The following CIART variants were observed in gnomAD, a reference collection of about 807,000 sequenced individuals.
The protein encoded by CIART is circadian associated repressor of transcription.
In CIART, 7 loss-of-function variants were observed where a neutral mutation model predicts 22.1. The observed-to-expected ratio is 0.32, with a 90% confidence interval of 0.18 to 0.59. The LOEUF (loss-of-function observed/expected upper bound fraction) is 0.59. Ranked by LOEUF, CIART falls within the 20% of genes least tolerant of loss-of-function variation. CIART has a pLI of 0.86. For synonymous variants in CIART, 163 were observed against 174.6 expected, an observed-to-expected ratio of 0.93 and a Z score of 0.53; for missense variants, 440 against 478.0, an observed-to-expected ratio of 0.92 and a Z score of 0.74.
In CIART at chr1:150,286,467, C is replaced by T. The variant is rs1653489687; in HGVS notation, c.671C>T (p.Ser224Phe). 4 of 1,588,454 alleles carry T rather than the reference C, an allele frequency of 2.5e-6. No individual in the cohort carries two copies. In the East Asian group the frequency reaches 8.9e-5, roughly 36 times the overall value. ...CACCACAGTGATTCAGCTGCTTCCTCTCCTGCATCTCCTATGGAAAAGATG... is the reference window on the plus strand; with the variant it reads ...CACCACAGTGATTCAGCTGCTTCCTTTCCTGCATCTCCTATGGAAAAGATG... ...PSHHSDSAAS[S>F]PASPMEKMDQ... The change falls in exon 5 of 5, where the codon TCT (serine) becomes TTT (phenylalanine). Residue 224 changes from serine (S) to phenylalanine (F), a missense_variant. Coordinates refer to ENST00000290363, the MANE Select transcript of CIART (RefSeq NM_144697.4).
intron 2 of CIART, 100 bp from the exon 3 acceptor site, chr1:150,284,326 A>G (rs1391744547): frequency 3.9e-5 from 48 of 1,224,628 alleles, no homozygotes; most frequent in Non-Finnish European, 5.5e-5. Flanking sequence ...GCCCGACTTA[A>G]TTTTTTTAGA....
chr1:150,285,056 A>G (rs1308067786), intron 4 of CIART: 2 of 278,262 alleles, frequency 7.2e-6, no homozygotes, highest in African/African-American at 4.6e-5. Flanking sequence ...TTTTTTCCCT[A>G]CTGCCCCCAA....
At position 150,283,580 on chromosome 1, in the gene CIART, A is replaced by G; in HGVS notation, c.313A>G (p.Ser105Gly). ...KRSRDGELET[S>G]LNTQGCTTEG... ...ATCAAGAGATGGTGAACTGGAGACC[A>G]GTCTAAACACCCAAGGTTGTACCAC... The change falls in exon 1 of 5, where the codon AGT (serine) becomes GGT (glycine). Residue 105 changes from serine (S) to glycine (G), a missense_variant. Coordinates refer to ENST00000290363, the MANE Select transcript of CIART (RefSeq NM_144697.4). 6.2e-7 allele frequency: 1 copy of G among 1,614,062 alleles called. No individual in the cohort carries two copies. Among genetic ancestry groups the G allele is most frequent in the Non-Finnish European group, 8.5e-7 (1 of 1,179,882 alleles).
At chr1:150,286,315 G>T in intron 4 of CIART, 115 bp from the exon 5 acceptor site, 2 of 919,466 alleles carry the variant, frequency 2.2e-6, no homozygotes, top group South Asian at 1.6e-5. Context: ...ATAAAACGAG[G>T]TATGTTTGCA....
chr1:150,284,525 G>T (rs782600477), intron 3 of CIART, 21 bp downstream of exon 3: 12 of 1,599,610 alleles, frequency 7.5e-6, no homozygotes, highest in African/African-American at 1.3e-5. Flanking sequence ...CTGGTTCTTT[G>T]CTTGGGTCTT....
chr1:150,283,029 G>T lies in CIART; in HGVS notation c.-239G>T. On this transcript the variant is annotated 5_prime_UTR_variant, in exon 1 of 5. Coordinates refer to ENST00000290363, the MANE Select transcript of CIART (RefSeq NM_144697.4). ...AGCTGCTCTGCGGCGGCCAGAGAGG[G>T]AATCCCAAGCTCTTAATGGGCGGGG... The T allele has an allele frequency of 3.4e-6, 1 of 294,472 alleles. No individual in the cohort carries two copies. Among genetic ancestry groups the T allele is most frequent in the Non-Finnish European group, 6.1e-6 (1 of 164,296 alleles). The allele number at this position is 294,472 out of a possible 1,614,324, so 18.2% of individuals were successfully genotyped here. A position where few individuals can be genotyped will look rare whatever the true frequency, so the allele number is the denominator to read the frequency against.
Position 150,283,962 on chromosome 1 carries a change from C to G in CIART, c.442+82C>G, listed in dbSNP as rs1572128191. Reference sequence around the variant, plus strand: ...TTTTGACGTGTATTTCTCTGAAGTTCTTGTTTGGGGCCTATATTACTCCTT... The same window carrying G: ...TTTTGACGTGTATTTCTCTGAAGTTGTTGTTTGGGGCCTATATTACTCCTT... On this transcript the variant is annotated intron_variant, in intron 2 of 4. Coordinates refer to ENST00000290363, the MANE Select transcript of CIART (RefSeq NM_144697.4). 4 of 1,034,104 alleles carry G rather than the reference C, an allele frequency of 3.9e-6. No individual in the cohort carries two copies. The East Asian group carries it at 9.7e-5, about 25-fold the overall frequency. The allele number at this position is 1,034,104 out of a possible 1,614,324, so 64.1% of individuals were successfully genotyped here. A position where few individuals can be genotyped will look rare whatever the true frequency, so the allele number is the denominator to read the frequency against.
In CIART at chr1:150,282,580, A is replaced by G. The variant is rs1408585830; in HGVS notation, c.-688A>G. 6.6e-6 allele frequency: 1 copy of G among 152,138 alleles called. No homozygotes were observed. The highest frequency in any genetic ancestry group is 1.5e-5 in the Non-Finnish European group (1 of 68,096). The allele number at this position is 152,138 out of a possible 1,614,324, so 9.4% of individuals were successfully genotyped here. ...GATAGACCCGGAGAGACGGCGAAGG[A>G]GCTGGAAACCGAGCCAGGGCTGAGC... is the stretch of plus-strand genomic sequence containing the variant. On this transcript the variant is annotated 5_prime_UTR_variant, in exon 1 of 5. Transcript: ENST00000290363.
intron 4 of CIART, 58 bp from the exon 5 acceptor site, chr1:150,286,372 G>A: frequency 1.4e-6 from 2 of 1,437,920 alleles, no homozygotes; most frequent in Non-Finnish European, 1.9e-6. Flanking sequence ...GTAACCAGGT[G>A]GAGCTCATCT....
intron 4 of CIART, among the ~76,000 whole-genome samples, chr1:150,285,889 G>C (rs1051922623): frequency 6.6e-6 from 1 of 152,092 alleles, no homozygotes; most frequent in Non-Finnish European, 1.5e-5. Context: ...GGCTGAGGTG[G>C]GAGGATCTCT....
intron 2 of CIART, among the ~76,000 whole-genome samples, 188 bp downstream of exon 2, chr1:150,284,068 A>C (rs1440620873): frequency 6.7e-6 from 1 of 148,324 alleles, no homozygotes; most frequent in African/African-American, 2.5e-5. Flanking sequence ...CCCAGGCTGG[A>C]GTGCAATGGC....
chr1:150,285,144 T>G (rs1480963555), intron 4 of CIART: 1 of 217,418 alleles, frequency 4.6e-6, no homozygotes, highest in Non-Finnish European at 9.1e-6. Context: ...GAGTCTACAC[T>G]GGGTTTCAAG....
At chr1:150,286,398 ATTTC>A in intron 4 of CIART, 28 bp from the exon 5 acceptor site, 1 of 1,516,398 alleles carries the variant, frequency 6.6e-7, no homozygotes, top group South Asian at 1.1e-5. Context: ...CTTTCTCCAC[ATTTC>A]TTTTTTTCTC....
rs1653285383 is a variant in CIART at position 150,283,572 on chromosome 1, T to C, written c.305T>C (p.Leu102Pro). The change falls in exon 1 of 5, where the codon CTG becomes CCG. Residue 102 changes from leucine (L) to proline (P), a missense_variant. Leu to Pro is a moderately conservative substitution (Grantham distance 98, BLOSUM62 -3). Transcript: ENST00000290363. Reference protein sequence around the residue: ...SGAKRSRDGELETSLNTQGCT... With the variant: ...SGAKRSRDGEPETSLNTQGCT... Reference sequence around the variant, plus strand: ...GCGAAAAGATCAAGAGATGGTGAACTGGAGACCAGTCTAAACACCCAAGGT... The same window carrying C: ...GCGAAAAGATCAAGAGATGGTGAACCGGAGACCAGTCTAAACACCCAAGGT... The C allele has an allele frequency of 5.0e-6, 8 of 1,614,050 alleles. No homozygotes were observed. The East Asian group carries it at 1.6e-4, about 31-fold the overall frequency.
chr1:150,285,801 G>T (rs1396218791), intron 4 of CIART, among the ~76,000 whole-genome samples: 2 of 151,940 alleles, frequency 1.3e-5, no homozygotes, highest in African/African-American at 4.8e-5. Flanking sequence ...CATGGTGAAG[G>T]CTGCTATCTA....
Position 150,283,627 on chromosome 1 carries a change from CCAGAAGGTAAGAGAAAG to C in CIART, c.364_366+14del. The C allele has an allele frequency of 1.2e-6, 2 of 1,613,250 alleles. No homozygotes were observed. The highest frequency in any genetic ancestry group is 1.7e-6 in the Non-Finnish European group (2 of 1,179,422). On this transcript the variant is annotated splice_donor_variant and splice_donor_5th_base_variant and coding_sequence_variant and intron_variant, in exon 1 of 5. Transcript: ENST00000290363. LOFTEE classifies it high-confidence loss of function. ...CCACAGAGGGAGACCTGCTGTTTGCCCAGAAGGTAAGAGAAAGCAGGTGAAAGGAGATTCTCCTGGAG... is the reference window on the plus strand; with the variant it reads ...CCACAGAGGGAGACCTGCTGTTTGCCCAGGTGAAAGGAGATTCTCCTGGAG...
In CIART at chr1:150,283,259, T is replaced by C. The variant is rs1653255072; in HGVS notation, c.-9T>C. 1 of 1,515,078 alleles carries C rather than the reference T, an allele frequency of 6.6e-7. No homozygotes were observed. Among genetic ancestry groups the C allele is most frequent in the South Asian group, 1.3e-5 (1 of 74,446 alleles). The allele number at this position is 1,515,078 out of a possible 1,614,324, so 93.9% of individuals were successfully genotyped here. A position where few individuals can be genotyped will look rare whatever the true frequency, so the allele number is the denominator to read the frequency against. On this transcript the variant is annotated 5_prime_UTR_variant, in exon 1 of 5. Coordinates refer to ENST00000290363, the MANE Select transcript of CIART (RefSeq NM_144697.4). ...CAGGAGCTGTTCTATAGCCCCTGCT[T>C]CTGGACCTATGGATTCTCCATCTAG...
chr1:150,284,322 C>G, intron 2 of CIART, 104 bp from the exon 3 acceptor site: 1 of 1,178,790 alleles, frequency 8.5e-7, no homozygotes, highest in African/African-American at 1.5e-5. Context: ...CCTGGCCCGA[C>G]TTAATTTTTT....
Position 150,284,003 on chromosome 1 carries a change from TTTATTA to T in CIART, c.442+147_442+152del, listed in dbSNP as rs57585190. ...ATTACTCCTTTTTTGCTACTATGAC[TTTATTA>T]TTATTATTATTATTATTATTATTTT... is the stretch of plus-strand genomic sequence containing the variant. On this transcript the variant is annotated intron_variant, in intron 2 of 4. Transcript: ENST00000290363. 154 of 489,884 alleles carry T rather than the reference TTTATTA, an allele frequency of 3.1e-4. 4 individuals are homozygous for T. The highest frequency in any genetic ancestry group is 4.3e-4 in the Non-Finnish European group (124 of 288,060). The allele number at this position is 489,884 out of a possible 1,614,324, so 30.3% of individuals were successfully genotyped here.
Sources: gnomAD v4.1 joint callset for allele counts (sites outside exome capture counted in the v4.1 genomes callset) on GRCh38, gnomAD v4.1.1 for gene constraint, MANE v1.5 for transcripts, NCBI Gene and HGNC (gene_info 2026-07-23, HGNC 2026-07-21) for gene names.